The following NAA50 variants were observed in gnomAD, a reference collection of about 807,000 sequenced individuals.
The protein encoded by NAA50 is N-alpha-acetyltransferase 50, NatE catalytic subunit.
Under a neutral mutation model 20.7 loss-of-function variants are expected in NAA50, and 7 were observed. The ratio of observed to expected loss-of-function variants is 0.34; its 90% CI spans 0.19 to 0.63. The LOEUF is 0.63. Ranked by LOEUF, NAA50 falls within the 30% of genes least tolerant of loss-of-function variation. The pLI is 0.75. For missense variants in NAA50, 111 were observed against 199.1 expected, an observed-to-expected ratio of 0.56 and a Z score of 2.66; for synonymous variants, 54 against 70.6, an observed-to-expected ratio of 0.77 and a Z score of 1.18.
chr3:113,732,168 G>C (rs1708281419), intron 1 of NAA50, among the ~76,000 whole-genome samples: 1 of 152,134 alleles, frequency 6.6e-6, no homozygotes, highest in Non-Finnish European at 1.5e-5. Flanking sequence ...GAGATGTGAA[G>C]ATCAACCATG....
In NAA50 at chr3:113,729,158, G is replaced by T. The variant is rs147247361; in HGVS notation, c.9-5063C>A. ...GTGCCACCACTCCTAACTAATTTTT[G>T]TATTTTTAGTAGAGATGGGGTTTCA... On this transcript the variant is annotated intron_variant, in intron 1 of 4. Transcript: ENST00000240922. Among the ~76,000 whole-genome samples the T allele has an allele frequency of 5.9e-5, 9 of 151,946 alleles. No homozygotes were observed. In the East Asian group the frequency reaches 1.8e-3, roughly 30 times the overall value.
At chr3:113,733,691 A>C (rs1425647812) in intron 1 of NAA50, among the ~76,000 whole-genome samples, 1 of 151,774 alleles carries the variant, frequency 6.6e-6, no homozygotes, top group Non-Finnish European at 1.5e-5. Flanking sequence ...ATCTCTACTA[A>C]AAGTACCAAA....
chr3:113,733,783 G>T (rs1708301838), intron 1 of NAA50, among the ~76,000 whole-genome samples: 1 of 147,280 alleles, frequency 6.8e-6, no homozygotes, highest in Non-Finnish European at 1.5e-5. Context: ...AACCTGGGAG[G>T]TGGAGGTTTC....
intron 1 of NAA50, among the ~76,000 whole-genome samples, chr3:113,734,785 G>A (rs558891556): frequency 6.6e-6 from 1 of 152,276 alleles, no homozygotes; most frequent in Admixed American, 6.5e-5. Flanking sequence ...CAGACAGTCT[G>A]TTATCATCTT....
chr3:113,741,128 G>A (rs1030346843), intron 1 of NAA50: 1 of 545,778 alleles, frequency 1.8e-6, no homozygotes. Flanking sequence ...CTTGAATGAA[G>A]GATAATCAAA....
intron 1 of NAA50, among the ~76,000 whole-genome samples, chr3:113,734,060 A>G (rs1577071067): frequency 6.6e-6 from 1 of 152,246 alleles, no homozygotes; most frequent in East Asian, 1.9e-4. Context: ...GGCTCATTCT[A>G]CTGTTTCATT....
chr3:113,740,196 A>T (rs777258632), intron 1 of NAA50, among the ~76,000 whole-genome samples: 14 of 152,054 alleles, frequency 9.2e-5, no homozygotes, highest in South Asian at 2.1e-4. Context: ...TACCTTAAAA[A>T]TTTTTTTTAT....
intron 1 of NAA50, 156 bp downstream of exon 1, chr3:113,745,786 G>T: frequency 3.3e-6 from 3 of 903,984 alleles, no homozygotes; most frequent in African/African-American, 1.7e-5. Context: ...CCTCGCCTCC[G>T]CCCCCTCCGG....
rs1164303398 is a variant in NAA50 at position 113,719,917 on chromosome 3, CT to C, written c.*1842del. Reference sequence around the variant, plus strand: ...GCTGCATTCTTCAAACTACTTATGCCTTCTGTAACTCAAGCACTCTTCTCTT... The same window carrying C: ...GCTGCATTCTTCAAACTACTTATGCCTCTGTAACTCAAGCACTCTTCTCTT... On this transcript the variant is annotated 3_prime_UTR_variant, in exon 5 of 5. Coordinates refer to ENST00000240922, the MANE Select transcript of NAA50 (RefSeq NM_025146.4). 6.6e-6 allele frequency: 1 copy of C among 152,630 alleles called. No individual in the cohort carries two copies. The highest frequency in any genetic ancestry group is 2.4e-5 in the African/African-American group (1 of 41,448). 9.5% of individuals were successfully genotyped at this position (152,630 alleles called of 1,614,324 possible).
chr3:113,735,035 C>T (rs1708321691), intron 1 of NAA50, among the ~76,000 whole-genome samples: 1 of 152,196 alleles, frequency 6.6e-6, no homozygotes, highest in Non-Finnish European at 1.5e-5. Flanking sequence ...ATTGCTTTGA[C>T]AGCTATTTCC....
chr3:113,736,335 A>G (rs1418853265), intron 1 of NAA50, among the ~76,000 whole-genome samples: 1 of 152,254 alleles, frequency 6.6e-6, no homozygotes, highest in African/African-American at 2.4e-5. Context: ...CGCTACTGCC[A>G]AAGTGCCTAC....
chr3:113,733,309 G>C lies in NAA50; in HGVS notation c.9-9214C>G, dbSNP rs114616058. Among the ~76,000 whole-genome samples the C allele has an allele frequency of 1.4e-3, 206 of 150,608 alleles. 2 individuals are homozygous for C. Among genetic ancestry groups the C allele is most frequent in the African/African-American group, 4.5e-3 (186 of 40,990 alleles). On this transcript the variant is annotated intron_variant, in intron 1 of 4. Transcript: ENST00000240922. Reference sequence around the variant, plus strand: ...ACTGGGAATTCTTTATAGCATCTTTGCAATTTTTCTAAAAATCTAAAACTA... The same window carrying C: ...ACTGGGAATTCTTTATAGCATCTTTCCAATTTTTCTAAAAATCTAAAACTA...
At chr3:113,726,151 C>T (rs1708195413) in intron 1 of NAA50, among the ~76,000 whole-genome samples, 1 of 152,084 alleles carries the variant, frequency 6.6e-6, no homozygotes, top group Non-Finnish European at 1.5e-5. Flanking sequence ...AAAATCTGAA[C>T]ATAGTTTCTT....
intron 3 of NAA50, 143 bp downstream of exon 3, chr3:113,723,279 T>C: frequency 1.2e-6 from 1 of 852,538 alleles, no homozygotes; most frequent in Non-Finnish European, 1.7e-6. Flanking sequence ...AAACACTAGT[T>C]ATTTTTCACC....
Position 113,746,084 on chromosome 3 carries a change from G to T in NAA50, c.-135C>A. 8.4e-7 allele frequency: 1 copy of T among 1,188,912 alleles called. No individual in the cohort carries two copies. The highest frequency in any genetic ancestry group is 1.2e-6 in the Non-Finnish European group (1 of 853,980). The allele number at this position is 1,188,912 out of a possible 1,614,324, so 73.6% of individuals were successfully genotyped here. On this transcript the variant is annotated 5_prime_UTR_variant, in exon 1 of 5. Transcript: ENST00000240922. ...TCCTAGCCTGGGCAGGGAGCTGTGC[G>T]AGCAACGAAGGCCGCGAGAGTCGAG...
intron 1 of NAA50, among the ~76,000 whole-genome samples, chr3:113,732,530 C>G (rs1235837895): frequency 6.6e-6 from 1 of 152,192 alleles, no homozygotes; most frequent in African/African-American, 2.4e-5. Context: ...GTTCTCAAAA[C>G]TCTAGGAATC....
intron 1 of NAA50, among the ~76,000 whole-genome samples, chr3:113,736,707 T>A (rs891299417): frequency 1.9e-4 from 29 of 152,296 alleles, no homozygotes; most frequent in African/African-American, 5.8e-4. Flanking sequence ...GTGGTTTTTT[T>A]AAGAAGGATG....
At chr3:113,744,466 T>TA (rs565340033) in intron 1 of NAA50, among the ~76,000 whole-genome samples, 2,907 of 141,534 alleles carry the variant, frequency 0.021, 52 homozygotes, top group South Asian at 0.067. Flanking sequence ...CCTGCCTCAT[T>TA]AAAAAAAAAA....
chr3:113,739,573 C>T (rs1049126698), intron 1 of NAA50: 1 of 152,202 alleles, frequency 6.6e-6, no homozygotes, highest in Non-Finnish European at 1.5e-5. Context: ...AAGTTTCTGA[C>T]AGAGGCAGAA....
Sources: gnomAD v4.1 joint callset for allele counts (sites outside exome capture counted in the v4.1 genomes callset) on GRCh38, gnomAD v4.1.1 for gene constraint, MANE v1.5 for transcripts, NCBI Gene and HGNC (gene_info 2026-07-23, HGNC 2026-07-21) for gene names.